Variants in GPHN observed in about 807,000 individuals in gnomAD.
GPHN encodes the protein gephyrin.
Under a neutral mutation model 95.5 loss-of-function variants are expected in GPHN, and 17 were observed. The ratio of observed to expected loss-of-function variants is 0.18; its 90% CI spans 0.12 to 0.27. GPHN has a LOEUF of 0.27. GPHN is among the 10% of genes least tolerant of loss of function. The pLI is 1.00. For missense variants in GPHN, 660 were observed against 978.1 expected, an observed-to-expected ratio of 0.67 and a Z score of 4.34; for synonymous variants, 320 against 322.5, an observed-to-expected ratio of 0.99 and a Z score of 0.08.
the GPHN span, among the ~76,000 whole-genome samples, chr14:67,468,057 T>C: frequency 6.6e-6 from 1 of 152,074 alleles, no homozygotes; most frequent in Admixed American, 6.5e-5. Context: ...CACTGCAACC[T>C]CTGCCTCCTG....
chr14:66,753,792 G>C (rs2058458411), intron 2 of GPHN, among the ~76,000 whole-genome samples: 1 of 151,948 alleles, frequency 6.6e-6, no homozygotes, highest in African/African-American at 2.4e-5. Flanking sequence ...TTTTGCCACT[G>C]TCACCACAAT....
chr14:67,093,547 T>C (rs1313751587), intron 12 of GPHN, among the ~76,000 whole-genome samples: 1 of 152,150 alleles, frequency 6.6e-6, no homozygotes, highest in Non-Finnish European at 1.5e-5. Flanking sequence ...ATGGGAGTAA[T>C]ACTCATGTGA....
chr14:67,392,907 G>C, the GPHN span: 24 of 1,419,780 alleles, frequency 1.7e-5, no homozygotes, highest in Non-Finnish European at 2.2e-5. Context: ...CTTGGGGTGT[G>C]TGGCCAATGA....
At chr14:67,660,803 T>A in the GPHN span, among the ~76,000 whole-genome samples, 1 of 152,214 alleles carries the variant, frequency 6.6e-6, no homozygotes. Context: ...AGAAAACAAG[T>A]ATCTGAGCAT....
At chr14:67,472,024 T>A in the GPHN span, 3 of 152,328 alleles carry the variant, frequency 2.0e-5, no homozygotes, top group Admixed American at 2.0e-4. Context: ...AATGGACCTG[T>A]CACAGGACAA....
intron 2 of GPHN, among the ~76,000 whole-genome samples, chr14:66,767,778 T>C (rs1288436111): frequency 1.3e-5 from 2 of 151,994 alleles, no homozygotes; most frequent in African/African-American, 4.8e-5. Flanking sequence ...ACATTTATAA[T>C]AAATTATATC....
chr14:66,610,213 T>G (rs1055985211), intron 1 of GPHN, among the ~76,000 whole-genome samples: 2 of 152,114 alleles, frequency 1.3e-5, no homozygotes, highest in African/African-American at 4.8e-5. Flanking sequence ...ATTTTTGGTG[T>G]TGTAATTTGG....
the GPHN span, among the ~76,000 whole-genome samples, chr14:67,519,981 C>G: frequency 6.6e-6 from 1 of 152,290 alleles, no homozygotes; most frequent in South Asian, 2.1e-4. Context: ...CCTCGGCCCC[C>G]CAAAGTGCTG....
At chr14:66,559,833 G>C (rs2060157230) in intron 1 of GPHN, among the ~76,000 whole-genome samples, 1 of 152,088 alleles carries the variant, frequency 6.6e-6, no homozygotes, top group Non-Finnish European at 1.5e-5. Context: ...GTCCTGAATG[G>C]TAATGCCTAG....
the GPHN span, chr14:67,572,137 G>A: frequency 4.1e-5 from 66 of 1,605,576 alleles, no homozygotes; most frequent in East Asian, 4.5e-5. Flanking sequence ...TCGGCAAGGC[G>A]TCTCCATGTC....
At chr14:66,753,075 T>C (rs1263760114) in intron 2 of GPHN, among the ~76,000 whole-genome samples, 2 of 152,100 alleles carry the variant, frequency 1.3e-5, no homozygotes, top group Non-Finnish European at 2.9e-5. Context: ...ATTCTGTTAT[T>C]GGCCCTGATT....
At chr14:66,914,949 A>G (rs771890571) in intron 5 of GPHN, among the ~76,000 whole-genome samples, 1 of 152,148 alleles carries the variant, frequency 6.6e-6, no homozygotes, top group Non-Finnish European at 1.5e-5. Flanking sequence ...TTGAAGAAAT[A>G]TCATTAAGAT....
rs146390163 is a variant in GPHN, at chr14:66,752,119, A to G, written c.144-24345A>G. On this transcript the variant is annotated intron_variant, in intron 2 of 22. Transcript: ENST00000478722. ...AGTTTCCTCACCTCTCTCAGCCTTCATAGAATCGAAGAGAATTAGGGCCTT... is the reference window on the plus strand; with the variant it reads ...AGTTTCCTCACCTCTCTCAGCCTTCGTAGAATCGAAGAGAATTAGGGCCTT... 3.0e-3 allele frequency among the ~76,000 whole-genome samples: 454 copies of G among 152,198 alleles called. 3 individuals carry two copies. Among genetic ancestry groups the G allele is most frequent in the African/African-American group, 0.01 (436 of 41,540 alleles).
At chr14:67,061,312 A>G (rs561646928) in intron 11 of GPHN, among the ~76,000 whole-genome samples, 5 of 152,284 alleles carry the variant, frequency 3.3e-5, no homozygotes, top group Non-Finnish European at 5.9e-5. Flanking sequence ...AAGTGCTCAC[A>G]GGAGTGAGCC....
At chr14:67,148,595 C>T (rs1483691975) in intron 18 of GPHN, among the ~76,000 whole-genome samples, 1 of 133,908 alleles carries the variant, frequency 7.5e-6, no homozygotes, top group Non-Finnish European at 1.5e-5. Flanking sequence ...GAGGCTCGCT[C>T]TGTCACCCAG....
At chr14:67,333,706 C>A in the GPHN span, 1 of 152,298 alleles carries the variant, frequency 6.6e-6, no homozygotes, top group African/African-American at 2.4e-5. Context: ...TTTCTTAAGT[C>A]GTCTCAACTG....
chr14:66,747,908 A>G (rs2058216934), intron 2 of GPHN, among the ~76,000 whole-genome samples: 1 of 150,454 alleles, frequency 6.6e-6, no homozygotes, highest in Non-Finnish European at 1.5e-5. Context: ...GTAGTGAACT[A>G]TAGTGTTAAC....
At chr14:67,646,477 C>A in the GPHN span, 2 of 570,966 alleles carry the variant, frequency 3.5e-6, no homozygotes, top group South Asian at 4.6e-5. Flanking sequence ...GAAACATTTC[C>A]ACCTTGTGTC....
At chr14:66,962,837 TTATGA>T (rs1237504411) in intron 8 of GPHN, among the ~76,000 whole-genome samples, 1 of 151,902 alleles carries the variant, frequency 6.6e-6, no homozygotes, top group Non-Finnish European at 1.5e-5. Flanking sequence ...TAATAATTTC[TTATGA>T]TAAGAACACC....
Sources: gnomAD v4.1 joint callset for allele counts (sites outside exome capture counted in the v4.1 genomes callset) on GRCh38, gnomAD v4.1.1 for gene constraint, MANE v1.5 for transcripts, NCBI Gene and HGNC (gene_info 2026-07-23, HGNC 2026-07-21) for gene names.